Variants in VEPH1 observed in about 807,000 individuals in gnomAD.
VEPH1 encodes the protein ventricular zone-expressed PH domain-containing protein homolog 1.
VEPH1 carries 80 observed loss-of-function variants against 85.2 expected under a neutral mutation model. The observed-to-expected ratio is 0.94, with a 90% CI of 0.78 to 1.13. The LOEUF (loss-of-function observed/expected upper bound fraction) is 1.13, where lower values mean the gene tolerates loss of function less well. VEPH1 is among the 50% of genes most tolerant of loss of function. The pLI is 0.00. For synonymous variants in VEPH1, 297 were observed against 348.0 expected, an observed-to-expected ratio of 0.85 and a Z score of 1.63; for missense variants, 955 against 980.5, an observed-to-expected ratio of 0.97 and a Z score of 0.35.
At chr3:157,421,329 G>A (rs1732320124) in intron 5 of VEPH1, among the ~76,000 whole-genome samples, 1 of 152,066 alleles carries the variant, frequency 6.6e-6, no homozygotes, top group Admixed American at 6.6e-5. Flanking sequence ...GTAGTGAGAA[G>A]GGCATTCAGG....
chr3:157,441,043 T>C (rs1027635056), intron 4 of VEPH1, among the ~76,000 whole-genome samples: 13 of 152,226 alleles, frequency 8.5e-5, no homozygotes, highest in African/African-American at 3.1e-4. Flanking sequence ...TGCAGAATAT[T>C]AGGAGCAGAA....
intron 2 of VEPH1, among the ~76,000 whole-genome samples, chr3:157,480,644 C>T (rs1290476202): frequency 6.6e-6 from 1 of 152,076 alleles, no homozygotes; most frequent in Non-Finnish European, 1.5e-5. Context: ...GTTTTTATGG[C>T]TGTGCAGTAT....
chr3:157,445,191 G>T (rs1350422032), intron 4 of VEPH1, among the ~76,000 whole-genome samples: 1 of 152,216 alleles, frequency 6.6e-6, no homozygotes, highest in Non-Finnish European at 1.5e-5. Flanking sequence ...CCTGGTCATT[G>T]TGAAGCCATC....
chr3:157,448,160 C>A (rs749610221), intron 4 of VEPH1, among the ~76,000 whole-genome samples: 17 of 152,040 alleles, frequency 1.1e-4, no homozygotes, highest in Non-Finnish European at 2.1e-4. Context: ...GCTCACCAAG[C>A]AATGGTTTGA....
chr3:157,265,492 A>C (rs1713505538), intron 13 of VEPH1, 34 bp downstream of exon 13: 2 of 1,600,236 alleles, frequency 1.2e-6, no homozygotes, highest in African/African-American at 1.3e-5. Flanking sequence ...AAAACCTTAA[A>C]AATGCAAGTG....
At chr3:157,330,701 A>C (rs778976719) in intron 9 of VEPH1, among the ~76,000 whole-genome samples, 1 of 152,170 alleles carries the variant, frequency 6.6e-6, no homozygotes, top group Non-Finnish European at 1.5e-5. Context: ...TGTAGGGATC[A>C]TGGAGCCTTG....
intron 12 of VEPH1, among the ~76,000 whole-genome samples, chr3:157,276,074 G>A (rs1360690188): frequency 1.3e-5 from 2 of 152,188 alleles, no homozygotes; most frequent in Non-Finnish European, 2.9e-5. Context: ...TACTGGCAGT[G>A]AATAAACCAG....
intron 2 of VEPH1, among the ~76,000 whole-genome samples, chr3:157,471,164 CT>C (rs377685312): frequency 3.7e-4 from 56 of 152,286 alleles, no homozygotes; most frequent in African/African-American, 1.3e-3. Context: ...TGACTGTGAA[CT>C]TCACATGGTG....
intron 2 of VEPH1, among the ~76,000 whole-genome samples, chr3:157,475,987 T>A (rs1298301382): frequency 6.6e-6 from 1 of 152,180 alleles, no homozygotes; most frequent in East Asian, 1.9e-4. Flanking sequence ...ATAAACATCT[T>A]TTATGTTCAT....
At chr3:157,450,290 C>G (rs2109301408) in intron 4 of VEPH1, among the ~76,000 whole-genome samples, 1 of 152,104 alleles carries the variant, frequency 6.6e-6, no homozygotes, top group South Asian at 2.1e-4. Context: ...CTCCTGAGCT[C>G]AAGCGATCCT....
chr3:157,316,870 T>C (rs1720805070), intron 10 of VEPH1, among the ~76,000 whole-genome samples, 192 bp downstream of exon 10: 1 of 152,140 alleles, frequency 6.6e-6, no homozygotes, highest in Non-Finnish European at 1.5e-5. Context: ...GGCTAACTGA[T>C]TAATAATTCC....
chr3:157,446,898 C>A lies in VEPH1; in HGVS notation c.529+13283G>T, dbSNP rs558561723. Among the ~76,000 whole-genome samples, 105 of 152,262 alleles carry A rather than the reference C, an allele frequency of 6.9e-4. No individual in the cohort carries two copies. In the South Asian group the frequency reaches 0.014, roughly 21 times the overall value. On this transcript the variant is annotated intron_variant, in intron 4 of 13. Coordinates refer to ENST00000362010, the MANE Select transcript of VEPH1 (RefSeq NM_001167912.2). ...TACTAACTTAATAACTCTAAGAAATCAGGCCTGTCAAGTAATCTCTATGAG... is the reference window on the plus strand; with the variant it reads ...TACTAACTTAATAACTCTAAGAAATAAGGCCTGTCAAGTAATCTCTATGAG...
intron 2 of VEPH1, among the ~76,000 whole-genome samples, chr3:157,482,295 C>A (rs1429878364): frequency 6.6e-6 from 1 of 152,178 alleles, no homozygotes; most frequent in Non-Finnish European, 1.5e-5. Flanking sequence ...GGGATCCCAA[C>A]TCACCGTAAC....
At chr3:157,277,474 G>C (rs1715544816) in intron 12 of VEPH1, among the ~76,000 whole-genome samples, 1 of 152,136 alleles carries the variant, frequency 6.6e-6, no homozygotes, top group East Asian at 1.9e-4. Context: ...TGTAACCATT[G>C]TCCTACCTGC....
chr3:157,428,405 C>A lies in VEPH1; in HGVS notation c.613G>T (p.Ala205Ser). The A allele has an allele frequency of 6.2e-7, 1 of 1,614,074 alleles. No individual in the cohort carries two copies. The highest frequency in any genetic ancestry group is 8.5e-7 in the Non-Finnish European group (1 of 1,179,992). Residue 205 changes from alanine (A) to serine (S), a missense_variant, in exon 5 of 14, where the codon GCC (alanine) becomes TCC (serine). Transcript: ENST00000362010. Reference sequence around the variant, plus strand: ...GGCTGTTCCAGCTGAGACATCAAGGCCAGGAGTTCTGTCAGGTGTCTATTA... The same window carrying A: ...GGCTGTTCCAGCTGAGACATCAAGGACAGGAGTTCTGTCAGGTGTCTATTA... ...PINRHLTELL[A>S]LMSQLEQPEQ...
rs534715116 is a variant in VEPH1 at position 157,413,889 on chromosome 3, C to A, written c.898G>T (p.Val300Leu). Residue 300 changes from valine to leucine, a missense_variant, in exon 6 of 14, where the codon GTG becomes TTG. By Grantham distance (32) the Val-to-Leu change is conservative (BLOSUM62 1). Coordinates refer to ENST00000362010, the MANE Select transcript of VEPH1 (RefSeq NM_001167912.2). ...AAAAAAGCCAAACTTACTTCATCCA[C>A]ATGCCCAACAGCTCCATAAATCCTT... ...MARIYGAVGH[V>L]DEERARSCLT... The A allele has an allele frequency of 6.2e-7, 1 of 1,613,084 alleles. No individual in the cohort carries two copies. Among genetic ancestry groups the A allele is most frequent in the Admixed American group, 1.7e-5 (1 of 59,926 alleles).
At chr3:157,285,568 TG>T (rs1240982474) in intron 12 of VEPH1, among the ~76,000 whole-genome samples, 2 of 152,228 alleles carry the variant, frequency 1.3e-5, no homozygotes, top group Non-Finnish European at 2.9e-5. Context: ...ATCTACAAAG[TG>T]GCTTTGTGTT....
Position 157,314,330 on chromosome 3 carries a change from C to CAAAAAAA in VEPH1, c.1876-582_1876-576dup, listed in dbSNP as rs34703314. Among the ~76,000 whole-genome samples the CAAAAAAA allele has an allele frequency of 9.9e-3, 426 of 43,122 alleles. 25 individuals carry two copies. Among genetic ancestry groups the CAAAAAAA allele is most frequent in the East Asian group, 0.019 (29 of 1,546 alleles). The allele number at this position is 43,122 out of a possible 152,430, so 28.3% of individuals were successfully genotyped here. On this transcript the variant is annotated intron_variant, in intron 10 of 13. Coordinates refer to ENST00000362010, the MANE Select transcript of VEPH1 (RefSeq NM_001167912.2). ...CCTGGGTGACAGAGGGAGGATCCGTCAAAAAAAAAAAAAAAAAAAAAAAAA... is the reference window on the plus strand; with the variant it reads ...CCTGGGTGACAGAGGGAGGATCCGTCAAAAAAAAAAAAAAAAAAAAAAAAAAAAAAAA...
chr3:157,326,029 C>T (rs1721865086), intron 9 of VEPH1, among the ~76,000 whole-genome samples: 1 of 152,084 alleles, frequency 6.6e-6, no homozygotes, highest in East Asian at 1.9e-4. Flanking sequence ...TTGTAGTTCT[C>T]CTTGAAGAGG....
Sources: gnomAD v4.1 joint callset for allele counts (sites outside exome capture counted in the v4.1 genomes callset) on GRCh38, gnomAD v4.1.1 for gene constraint, MANE v1.5 for transcripts, NCBI Gene and HGNC (gene_info 2026-07-23, HGNC 2026-07-21) for gene names.